Variants in AGBL1 observed in about 807,000 individuals in gnomAD.
The protein encoded by AGBL1 is cytosolic carboxypeptidase 4.
AGBL1 carries 130 observed loss-of-function variants against 118.9 expected under a neutral mutation model. The ratio of observed to expected loss-of-function variants is 1.09; its 90% CI spans 0.95 to 1.26. AGBL1 has a LOEUF of 1.26. AGBL1 is among the 50% of genes most tolerant of loss of function. The pLI, the probability that AGBL1 is intolerant of heterozygous loss-of-function variation, is 0.00. For synonymous variants in AGBL1, 555 were observed against 478.9 expected (o/e 1.16, Z -2.08); for missense variants, 1,584 against 1,298.1 (o/e 1.22, Z -3.38).
At chr15:86,760,562 A>T (rs1477767191) in intron 22 of AGBL1, among the ~76,000 whole-genome samples, 2 of 152,108 alleles carry the variant, frequency 1.3e-5, no homozygotes, top group Non-Finnish European at 2.9e-5. Flanking sequence ...CTGTGAATGT[A>T]AATGGACCTA....
rs187261342 is a variant in AGBL1 at position 86,739,430 on chromosome 15, C to T, written c.3158+64994C>T. 3.1e-3 allele frequency among the ~76,000 whole-genome samples: 297 copies of T among 94,520 alleles called. 1 individual carries two copies. The highest frequency in any genetic ancestry group is 0.013 in the African/African-American group (288 of 21,350). The allele number at this position is 94,520 out of a possible 152,430, so 62.0% of individuals were successfully genotyped here. ...TGCACTCCAGCCTGGGCAACAAGAG[C>T]GAAACTCCATCTCAAAAAAAAAAAA... is the stretch of plus-strand genomic sequence containing the variant. On this transcript the variant is annotated intron_variant, in intron 22 of 22. Transcript: ENST00000614907.
At chr15:86,520,501 A>T (rs1307065360) in intron 18 of AGBL1, among the ~76,000 whole-genome samples, 1 of 152,100 alleles carries the variant, frequency 6.6e-6, no homozygotes, top group Non-Finnish European at 1.5e-5. Flanking sequence ...GGAAATTGTG[A>T]TCTAAAATAG....
intron 22 of AGBL1, among the ~76,000 whole-genome samples, chr15:86,818,822 G>A (rs2078900969): frequency 6.6e-6 from 1 of 152,128 alleles, no homozygotes; most frequent in African/African-American, 2.4e-5. Flanking sequence ...CTTTTAGGCT[G>A]GGAGACACTG....
intron 23 of AGBL1, among the ~76,000 whole-genome samples, chr15:86,956,844 A>G (rs555443078): frequency 3.2e-4 from 49 of 152,178 alleles, no homozygotes; most frequent in Non-Finnish European, 5.6e-4. Context: ...ATGTTAGTGA[A>G]ATAAGAAATT....
At chr15:86,637,706 A>G (rs1246953549) in intron 21 of AGBL1, among the ~76,000 whole-genome samples, 1 of 152,140 alleles carries the variant, frequency 6.6e-6, no homozygotes, top group Non-Finnish European at 1.5e-5. Flanking sequence ...TGGTGGTAAG[A>G]AGCACTCAGA....
intron 24 of AGBL1, among the ~76,000 whole-genome samples, chr15:86,999,698 T>C (rs1016621713): frequency 6.6e-6 from 1 of 151,574 alleles, no homozygotes. Flanking sequence ...CGGGTGCATG[T>C]GTCTTTACAG....
rs143179751 is a variant in AGBL1, at chr15:86,268,652, A to C, written c.1839-1267A>C. On this transcript the variant is annotated intron_variant, in intron 13 of 22. Transcript: ENST00000614907. ...TTGGAGAGAGCACTGTGGGAATAGC[A>C]GACAATTTGAGGGTCATAGACTTTC... Among the ~76,000 whole-genome samples, 435 of 152,282 alleles carry C rather than the reference A, an allele frequency of 2.9e-3. 2 individuals carry two copies. The highest frequency in any genetic ancestry group is 1.0e-2 in the African/African-American group (415 of 41,556).
chr15:86,427,241 TAA>T (rs1423965375), intron 18 of AGBL1, among the ~76,000 whole-genome samples: 1 of 152,274 alleles, frequency 6.6e-6, no homozygotes, highest in Non-Finnish European at 1.5e-5. Context: ...AATGAAATTA[TAA>T]AAGTTTCATT....
chr15:86,790,053 C>T (rs1596482822), intron 22 of AGBL1, among the ~76,000 whole-genome samples: 1 of 152,040 alleles, frequency 6.6e-6, no homozygotes, highest in Admixed American at 6.6e-5. Context: ...TTATTTGTAA[C>T]ATGATGATGC....
chr15:87,015,782 C>A (rs1399796297), intron 24 of AGBL1, among the ~76,000 whole-genome samples: 1 of 152,106 alleles, frequency 6.6e-6, no homozygotes, highest in Non-Finnish European at 1.5e-5. Flanking sequence ...TAAGTCTAAG[C>A]TAACTTGAAA....
intron 21 of AGBL1, among the ~76,000 whole-genome samples, chr15:86,635,573 T>C (rs1398862276): frequency 2.0e-5 from 3 of 151,870 alleles, no homozygotes; most frequent in Non-Finnish European, 2.9e-5. Flanking sequence ...AGGATCCTGA[T>C]GTATTTGAGA....
At chr15:87,012,390 A>G (rs1244724815) in intron 24 of AGBL1, among the ~76,000 whole-genome samples, 1 of 152,158 alleles carries the variant, frequency 6.6e-6, no homozygotes, top group African/African-American at 2.4e-5. Flanking sequence ...ATACTTGTAA[A>G]TGTTTAAGGA....
chr15:86,324,896 A>G (rs2080163149), intron 17 of AGBL1, among the ~76,000 whole-genome samples: 1 of 152,160 alleles, frequency 6.6e-6, no homozygotes, highest in Admixed American at 6.5e-5. Context: ...GCTCACTAGC[A>G]TGTGAGGAGA....
intron 14 of AGBL1, among the ~76,000 whole-genome samples, chr15:86,270,584 G>A (rs1245257321): frequency 1.3e-5 from 2 of 152,164 alleles, no homozygotes; most frequent in Non-Finnish European, 2.9e-5. Context: ...TGGAAATTCT[G>A]CATACAACTG....
At chr15:86,204,130 G>A (rs1415875785) in intron 5 of AGBL1, among the ~76,000 whole-genome samples, 1 of 152,100 alleles carries the variant, frequency 6.6e-6, no homozygotes, top group Non-Finnish European at 1.5e-5. Flanking sequence ...GGCTCTGGAA[G>A]CCTCACTAGG....
chr15:86,474,805 C>T (rs1318303574), intron 18 of AGBL1, among the ~76,000 whole-genome samples: 1 of 152,186 alleles, frequency 6.6e-6, no homozygotes, highest in Non-Finnish European at 1.5e-5. Context: ...CCTTGAGTAG[C>T]CTAACTGGGA....
chr15:86,081,949 C>T (rs561111785), intron 1 of AGBL1, among the ~76,000 whole-genome samples: 34 of 152,262 alleles, frequency 2.2e-4, no homozygotes, highest in African/African-American at 7.9e-4. Context: ...GCTAGATTCC[C>T]AATTATCAAA....
At chr15:86,892,884 G>A (rs2080070815) in intron 22 of AGBL1, among the ~76,000 whole-genome samples, 1 of 152,186 alleles carries the variant, frequency 6.6e-6, no homozygotes, top group Non-Finnish European at 1.5e-5. Context: ...CCCGGGTGAT[G>A]ATGGTGAGAC....
chr15:86,546,893 T>C (rs1310748262), intron 20 of AGBL1, among the ~76,000 whole-genome samples: 2 of 152,100 alleles, frequency 1.3e-5, no homozygotes, highest in African/African-American at 2.4e-5. Context: ...GTAGAAAAAG[T>C]AGAAAATTAT....
Sources: gnomAD v4.1 joint callset for allele counts (sites outside exome capture counted in the v4.1 genomes callset) on GRCh38, gnomAD v4.1.1 for gene constraint, MANE v1.5 for transcripts, NCBI Gene and HGNC (gene_info 2026-07-23, HGNC 2026-07-21) for gene names.